The following BIRC6 variants were observed in gnomAD, a reference collection of about 807,000 sequenced individuals.
The protein encoded by BIRC6 is dual E2 ubiquitin-conjugating enzyme/E3 ubiquitin-protein ligase BIRC6.
Under a neutral mutation model 503.3 loss-of-function variants are expected in BIRC6, and 98 were observed. The observed-to-expected ratio is 0.19, with a 90% CI of 0.17 to 0.23. The LOEUF is 0.23. Among genes scored for constraint, BIRC6 ranks in the 10% least tolerant of loss-of-function variants. BIRC6 has a pLI of 1.00. For missense variants in BIRC6, 5,360 were observed against 5,806.0 expected (o/e 0.92, Z 2.50); for synonymous variants, 2,240 against 2,078.7 (o/e 1.08, Z -2.11).
chr2:32,408,281 T>A (rs983603676), intron 9 of BIRC6, among the ~76,000 whole-genome samples: 2 of 151,898 alleles, frequency 1.3e-5, no homozygotes, highest in Non-Finnish European at 2.9e-5. Flanking sequence ...CCTGGCTCTT[T>A]CTTTTGTTTT....
At chr2:32,407,209 G>T (rs747765514) in intron 9 of BIRC6, among the ~76,000 whole-genome samples, 5 of 152,098 alleles carry the variant, frequency 3.3e-5, no homozygotes, top group Non-Finnish European at 5.9e-5. Context: ...ACTTTGGGAG[G>T]CCACAGCGGG....
intron 73 of BIRC6, among the ~76,000 whole-genome samples, chr2:32,615,443 C>T (rs2063168842): frequency 6.6e-6 from 1 of 151,330 alleles, no homozygotes; most frequent in Admixed American, 6.6e-5. Context: ...GTTGTTTTTT[C>T]CTATTTATGT....
intron 55 of BIRC6, 54 bp from the exon 56 acceptor site, chr2:32,518,199 TA>T (rs1168658132): frequency 1.3e-6 from 2 of 1,491,072 alleles, no homozygotes; most frequent in Admixed American, 4.1e-5. Flanking sequence ...TCTTTCAAAA[TA>T]AAAAGCTGCA....
intron 12 of BIRC6, among the ~76,000 whole-genome samples, chr2:32,432,799 G>A (rs2044284019): frequency 1.3e-5 from 2 of 152,028 alleles, no homozygotes; most frequent in Middle Eastern, 3.4e-3. Flanking sequence ...CGTGAGATGG[G>A]AAAGTGTTAG....
Position 32,464,775 on chromosome 2 carries a change from A to C in BIRC6, c.5208A>C (p.Pro1736=), listed in dbSNP as rs780703846. Residue 1736 remains proline, a synonymous_variant, in exon 25 of 74, where the codon CCA becomes CCC. Transcript: ENST00000421745. The part of the protein sequence containing the change: ...QLFPGSVIDP[P]AVNLAAHNKN... ...TCCCAGGCTCAGTCATTGATCCCCCAGCAGTCAATCTTGCTGCACATAACA... is the reference window on the plus strand; with the variant it reads ...TCCCAGGCTCAGTCATTGATCCCCCCGCAGTCAATCTTGCTGCACATAACA... 1 of 1,613,938 alleles carries C rather than the reference A, an allele frequency of 6.2e-7. No homozygotes were observed.
intron 8 of BIRC6, 100 bp from the exon 9 acceptor site, chr2:32,406,398 CA>C: frequency 2.3e-5 from 19 of 841,962 alleles, no homozygotes; most frequent in East Asian, 5.3e-5. Flanking sequence ...GACCCTGTCT[CA>C]AAAAAACCCA....
Position 32,535,150 on chromosome 2 carries a change from CAAAAAAA to C in BIRC6, c.12291+3619_12291+3625del, listed in dbSNP as rs1158856665. ...ACAAGACCTCATACCCCCAAAAAAG[CAAAAAAA>C]AAAAAAAAAAAAAAAAAAAGCTAAG... On this transcript the variant is annotated intron_variant, in intron 61 of 73. Transcript: ENST00000421745. Among the ~76,000 whole-genome samples the C allele has an allele frequency of 4.8e-3, 35 of 7,276 alleles. No homozygotes were observed. The East Asian group carries it at 0.085, about 18-fold the overall frequency. The allele number at this position is 7,276 out of a possible 152,430, so 4.8% of individuals were successfully genotyped here. A position where few individuals can be genotyped will look rare whatever the true frequency, so the allele number is the denominator to read the frequency against.
intron 26 of BIRC6, among the ~76,000 whole-genome samples, chr2:32,466,097 T>A (rs184790063): frequency 3.9e-4 from 59 of 152,298 alleles, no homozygotes; most frequent in Admixed American, 1.8e-3. Flanking sequence ...TCTTTTTTTT[T>A]AATAATTTTT....
chr2:32,596,280 G>A (rs2061669141), intron 68 of BIRC6, among the ~76,000 whole-genome samples: 1 of 151,902 alleles, frequency 6.6e-6, no homozygotes, highest in South Asian at 2.1e-4. Context: ...GGGAGTTTGA[G>A]ACCAGCATGG....
intron 66 of BIRC6, among the ~76,000 whole-genome samples, chr2:32,586,569 C>T (rs2061049269): frequency 6.6e-6 from 1 of 151,446 alleles, no homozygotes; most frequent in Admixed American, 6.6e-5. Context: ...CAGGCGTACA[C>T]CACCACTCCC....
At chr2:32,414,541 C>T (rs1368718284) in intron 9 of BIRC6, among the ~76,000 whole-genome samples, 1 of 152,000 alleles carries the variant, frequency 6.6e-6, no homozygotes, top group African/African-American at 2.4e-5. Context: ...GTGGCGTGAG[C>T]TTGTAATCCC....
chr2:32,499,470 G>T (rs966796668), intron 45 of BIRC6, 77 bp from the exon 46 acceptor site: 6 of 1,308,580 alleles, frequency 4.6e-6, no homozygotes, highest in Non-Finnish European at 4.1e-6. Context: ...ACTTAAAATC[G>T]TTTAATTTTT....
intron 59 of BIRC6, 92 bp downstream of exon 59, chr2:32,525,720 A>G: frequency 7.7e-7 from 1 of 1,299,508 alleles, no homozygotes; most frequent in African/African-American, 1.5e-5. Flanking sequence ...CATTTTAATC[A>G]GGTGCCATTG....
At chr2:32,588,931 C>CTGCATCAATT (rs1484649452) in intron 66 of BIRC6, among the ~76,000 whole-genome samples, 1 of 152,178 alleles carries the variant, frequency 6.6e-6, no homozygotes, top group Non-Finnish European at 1.5e-5. Flanking sequence ...TCCTGCTGGT[C>CTGCATCAATT]ATTCCAGCTG....
At chr2:32,497,321 C>G (rs1276815328) in intron 45 of BIRC6, among the ~76,000 whole-genome samples, 1 of 152,158 alleles carries the variant, frequency 6.6e-6, no homozygotes, top group Non-Finnish European at 1.5e-5. Context: ...ATTTTTTTTG[C>G]TAAGTGTCAG....
At chr2:32,570,529 C>T (rs569700952) in intron 65 of BIRC6, among the ~76,000 whole-genome samples, 12 of 151,686 alleles carry the variant, frequency 7.9e-5, no homozygotes, top group East Asian at 5.8e-4. Flanking sequence ...GATGGAGTCT[C>T]GCTCTGTCAC....
rs137959939 is a variant in BIRC6 at position 32,509,547 on chromosome 2, C to T, written c.9981-191C>T. ...AGATTACAGGTGTTAGCCACCGTGC[C>T]TGGCCATGATTTATCTTATAGGGGA... On this transcript the variant is annotated intron_variant, in intron 51 of 73. Coordinates refer to ENST00000421745, the MANE Select transcript of BIRC6 (RefSeq NM_016252.4). 4.6e-4 allele frequency: 300 copies of T among 647,272 alleles called. 2 individuals are homozygous for T. In the African/African-American group the frequency reaches 4.8e-3, roughly 10 times the overall value. The allele number at this position is 647,272 out of a possible 1,614,324, so 40.1% of individuals were successfully genotyped here.
At chr2:32,555,635 T>C (rs2150526584) in intron 65 of BIRC6, among the ~76,000 whole-genome samples, 1 of 145,482 alleles carries the variant, frequency 6.9e-6, no homozygotes, top group Non-Finnish European at 1.5e-5. Context: ...CTCAAAAAAA[T>C]AAAAAAATAA....
chr2:32,439,554 A>C lies in BIRC6; in HGVS notation c.3678A>C (p.Ala1226=). 1 of 1,613,938 alleles carries C rather than the reference A, an allele frequency of 6.2e-7. No homozygotes were observed. Among genetic ancestry groups the C allele is most frequent in the Non-Finnish European group, 8.5e-7 (1 of 1,179,852 alleles). ...GTTCGTTTTTAATCCATGTCAAGGC[A>C]GTGAATGAAAGAGGAACAGAAGAGA... ...KYRSFLIHVK[A]VNERGTEEIC... is the part of the protein sequence containing the mutation. The change falls in exon 16 of 74, where the codon GCA becomes GCC. Residue 1226 remains alanine (A), a synonymous_variant. Coordinates refer to ENST00000421745, the MANE Select transcript of BIRC6 (RefSeq NM_016252.4).
Sources: gnomAD v4.1 joint callset for allele counts (sites outside exome capture counted in the v4.1 genomes callset) on GRCh38, gnomAD v4.1.1 for gene constraint, MANE v1.5 for transcripts, NCBI Gene and HGNC (gene_info 2026-07-23, HGNC 2026-07-21) for gene names.